GPNMB: variants seen among roughly 807,000 people sequenced by gnomAD.
GPNMB encodes transmembrane glycoprotein NMB.
A neutral mutation model predicts 57.3 loss-of-function variants in GPNMB; 71 were observed. That is an observed-to-expected ratio of 1.24 (90% confidence interval 1.02 to 1.51). The LOEUF (loss-of-function observed/expected upper bound fraction) is 1.51, where lower values mean the gene tolerates loss of function less well. GPNMB is among the 40% of genes most tolerant of loss of function. The probability of loss-of-function intolerance (pLI) is 0.00; values close to 1 mark genes in which losing one functional copy is unlikely to be tolerated. For missense variants in GPNMB, 677 were observed against 691.9 expected (o/e 0.98, Z 0.24); for synonymous variants, 253 against 263.2 (o/e 0.96, Z 0.38).
At chr7:23,259,532 T>C (rs1011665678) in intron 4 of GPNMB, among the ~76,000 whole-genome samples, 1 of 152,138 alleles carries the variant, frequency 6.6e-6, no homozygotes, top group Non-Finnish European at 1.5e-5. Context: ...AGGATTCCAG[T>C]CCCCTTTTAA....
In GPNMB at chr7:23,270,912, T is replaced by G. The variant is rs139607630; in HGVS notation, c.1429+737T>G. ...GACTGTCACTGATAATCAACTTTGT[T>G]GTAAGATATTACTTGTGGCTTAGAA... is the stretch of plus-strand genomic sequence containing the variant. On this transcript the variant is annotated intron_variant, in intron 9 of 10. Transcript: ENST00000258733. 2.0e-3 allele frequency among the ~76,000 whole-genome samples: 310 copies of G among 152,352 alleles called. 1 individual carries two copies. Among genetic ancestry groups the G allele is most frequent in the African/African-American group, 7.2e-3 (299 of 41,570 alleles).
intron 9 of GPNMB, among the ~76,000 whole-genome samples, chr7:23,271,615 G>A (rs1262896314): frequency 6.6e-6 from 1 of 152,186 alleles, no homozygotes; most frequent in Non-Finnish European, 1.5e-5. Flanking sequence ...GGCCAACATA[G>A]TGAAACCCCA....
intron 2 of GPNMB, 72 bp from the exon 3 acceptor site, chr7:23,254,097 G>T: frequency 6.9e-7 from 1 of 1,446,110 alleles, no homozygotes. Context: ...TATTAATAAA[G>T]TTAGCTCTAA....
At chr7:23,271,912 A>G (rs1342969002) in intron 9 of GPNMB, among the ~76,000 whole-genome samples, 1 of 152,212 alleles carries the variant, frequency 6.6e-6, no homozygotes, top group African/African-American at 2.4e-5. Context: ...AAATAATCAT[A>G]CATCTAATTA....
At chr7:23,268,757 C>A (rs1412264844) in intron 8 of GPNMB, among the ~76,000 whole-genome samples, 1 of 151,956 alleles carries the variant, frequency 6.6e-6, no homozygotes, top group Non-Finnish European at 1.5e-5. Context: ...GGGGAGAGGA[C>A]CAGAATGAGG....
chr7:23,249,809 T>C (rs1782620807), intron 1 of GPNMB, among the ~76,000 whole-genome samples: 1 of 152,206 alleles, frequency 6.6e-6, no homozygotes, highest in African/African-American at 2.4e-5. Context: ...TTTGTTTCTC[T>C]GGGATGCATG....
At chr7:23,270,563 A>G (rs1424336569) in intron 9 of GPNMB, among the ~76,000 whole-genome samples, 1 of 152,182 alleles carries the variant, frequency 6.6e-6, no homozygotes, top group African/African-American at 2.4e-5. Flanking sequence ...CTGATATCAC[A>G]TTTTCATGAA....
At chr7:23,259,903 A>G in intron 4 of GPNMB, 77 bp from the exon 5 acceptor site, 2 of 1,335,830 alleles carry the variant, frequency 1.5e-6, no homozygotes, top group Non-Finnish European at 2.1e-6. Context: ...AAATGGTGGT[A>G]GCTAGTCTTT....
chr7:23,259,827 G>C (rs1056163471), intron 4 of GPNMB, among the ~76,000 whole-genome samples, 153 bp from the exon 5 acceptor site: 6 of 152,072 alleles, frequency 3.9e-5, no homozygotes, highest in African/African-American at 9.7e-5. Flanking sequence ...ATTAAAATGA[G>C]CACCATCTCC....
chr7:23,262,871 C>T (rs1782964176), intron 6 of GPNMB, among the ~76,000 whole-genome samples: 2 of 152,084 alleles, frequency 1.3e-5, no homozygotes, highest in South Asian at 4.2e-4. Context: ...CTACCCACCC[C>T]AGCCTTCCAA....
At chr7:23,250,698 T>C (rs946451268) in intron 1 of GPNMB, 27 of 152,230 alleles carry the variant, frequency 1.8e-4, no homozygotes, top group African/African-American at 6.0e-4. Context: ...GCTTCTGACA[T>C]TTAAAATCGG....
chr7:23,273,679 T>C, intron 10 of GPNMB, 65 bp downstream of exon 10: 1 of 1,024,306 alleles, frequency 9.8e-7, no homozygotes. Context: ...TATATCTCTG[T>C]GTAAATAGGC....
chr7:23,274,022 C>T, intron 10 of GPNMB, 43 bp from the exon 11 acceptor site: 1 of 1,465,762 alleles, frequency 6.8e-7, no homozygotes, highest in Non-Finnish European at 9.4e-7. Context: ...TATATTTCAA[C>T]TGAAGATCTT....
At chr7:23,262,717 C>G (rs1430380517) in intron 6 of GPNMB, among the ~76,000 whole-genome samples, 1 of 139,898 alleles carries the variant, frequency 7.1e-6, no homozygotes, top group East Asian at 2.4e-4. Context: ...CTCCTGGACT[C>G]AAGTGATCCT....
chr7:23,260,361 A>G, intron 5 of GPNMB, 95 bp from the exon 6 acceptor site: 2 of 1,128,028 alleles, frequency 1.8e-6, no homozygotes, highest in Non-Finnish European at 2.5e-6. Context: ...ATTATCCCTC[A>G]TTTTAATATT....
At position 23,260,034 on chromosome 7, in the gene GPNMB, C is replaced by A. The variant is rs987121548; in HGVS notation, c.596C>A (p.Ala199Asp). Residue 199 changes from alanine (A) to aspartate (D), a missense_variant, in exon 5 of 11, where the codon GCC becomes GAC. By Grantham distance (126) the Ala-to-Asp change is moderately radical. Transcript: ENST00000258733. ...RCSVRVSVNTANVTLGPQLME... is the reference protein window; with the variant it reads ...RCSVRVSVNTDNVTLGPQLME... Reference sequence around the variant, plus strand: ...TCAGTGAGAGTTTCTGTGAACACAGCCAATGTGACACTTGGGCCTCAACTC... The same window carrying A: ...TCAGTGAGAGTTTCTGTGAACACAGACAATGTGACACTTGGGCCTCAACTC... 1 of 1,613,950 alleles carries A rather than the reference C, an allele frequency of 6.2e-7. No individual in the cohort carries two copies. Among genetic ancestry groups the A allele is most frequent in the African/African-American group, 1.3e-5 (1 of 75,018 alleles).
intron 7 of GPNMB, among the ~76,000 whole-genome samples, chr7:23,267,012 A>C (rs1783080831): frequency 6.6e-6 from 1 of 152,184 alleles, no homozygotes; most frequent in Non-Finnish European, 1.5e-5. Flanking sequence ...GGGAAAGAGC[A>C]GGCCACCACA....
intron 6 of GPNMB, among the ~76,000 whole-genome samples, chr7:23,264,188 C>T (rs1783001641): frequency 6.6e-6 from 1 of 151,510 alleles, no homozygotes; most frequent in African/African-American, 2.4e-5. Flanking sequence ...AGAGAACTTT[C>T]CCAGAGAATC....
At chr7:23,264,755 G>T (rs1783018333) in intron 6 of GPNMB, among the ~76,000 whole-genome samples, 1 of 152,116 alleles carries the variant, frequency 6.6e-6, no homozygotes, top group African/African-American at 2.4e-5. Context: ...AAGAAAATAA[G>T]CTTTATTTCA....
Sources: gnomAD v4.1 joint callset for allele counts (sites outside exome capture counted in the v4.1 genomes callset) on GRCh38, gnomAD v4.1.1 for gene constraint, MANE v1.5 for transcripts, NCBI Gene and HGNC (gene_info 2026-07-23, HGNC 2026-07-21) for gene names.